The following RASGRP1 variants were observed in gnomAD, a reference collection of about 807,000 sequenced individuals.
RASGRP1 encodes RAS guanyl releasing protein 1.
RASGRP1 carries 37 observed loss-of-function variants against 95.1 expected under a neutral mutation model. That is an observed-to-expected ratio of 0.39 (90% CI 0.30 to 0.51). The LOEUF (loss-of-function observed/expected upper bound fraction) is 0.51, where lower values mean the gene tolerates loss of function less well. RASGRP1 is among the 20% of genes least tolerant of loss of function. RASGRP1 has a pLI of 0.80. For missense variants in RASGRP1, 711 were observed against 965.4 expected (o/e 0.74, Z 3.49); for synonymous variants, 325 against 353.4 (o/e 0.92, Z 0.90).
intron 2 of RASGRP1, among the ~76,000 whole-genome samples, chr15:38,548,975 G>T (rs1893217465): frequency 6.6e-6 from 1 of 152,290 alleles, no homozygotes; most frequent in Non-Finnish European, 1.5e-5. Context: ...TTTTCCTTTA[G>T]GGATTAAAGC....
At chr15:38,539,995 C>T (rs1387045445) in intron 2 of RASGRP1, among the ~76,000 whole-genome samples, 2 of 152,198 alleles carry the variant, frequency 1.3e-5, no homozygotes, top group African/African-American at 4.8e-5. Context: ...TGGCTCACTG[C>T]ACACTTGACT....
At chr15:38,506,071 C>G (rs1891241351) in intron 9 of RASGRP1, among the ~76,000 whole-genome samples, 151 bp from the exon 10 acceptor site, 1 of 152,154 alleles carries the variant, frequency 6.6e-6, no homozygotes, top group Non-Finnish European at 1.5e-5. Flanking sequence ...GGTATAACAC[C>G]TACTATTGCA....
intron 3 of RASGRP1, among the ~76,000 whole-genome samples, chr15:38,523,400 CAG>C (rs1566924503): frequency 6.6e-6 from 1 of 151,912 alleles, no homozygotes; most frequent in Non-Finnish European, 1.5e-5. Flanking sequence ...ATTTTTAAAA[CAG>C]AAAGAAGCTT....
chr15:38,523,365 T>C (rs1324324734), intron 3 of RASGRP1, among the ~76,000 whole-genome samples: 1 of 152,154 alleles, frequency 6.6e-6, no homozygotes, highest in Non-Finnish European at 1.5e-5. Flanking sequence ...GACAACAAAG[T>C]TTAAAAAGTT....
At chr15:38,541,018 G>T (rs1382850900) in intron 2 of RASGRP1, among the ~76,000 whole-genome samples, 1 of 152,198 alleles carries the variant, frequency 6.6e-6, no homozygotes, top group Non-Finnish European at 1.5e-5. Flanking sequence ...CTGGGAGACT[G>T]CTCTGAGCAG....
chr15:38,539,083 A>G (rs917465915), intron 2 of RASGRP1, among the ~76,000 whole-genome samples: 3 of 152,178 alleles, frequency 2.0e-5, no homozygotes, highest in African/African-American at 7.2e-5. Context: ...ACAGAGAGTA[A>G]GGTGGTATGA....
At chr15:38,537,892 C>T (rs979052959) in intron 2 of RASGRP1, among the ~76,000 whole-genome samples, 6 of 152,184 alleles carry the variant, frequency 3.9e-5, no homozygotes, top group African/African-American at 1.4e-4. Context: ...GTGAGAACTG[C>T]ACCGGTGAGT....
intron 12 of RASGRP1, among the ~76,000 whole-genome samples, chr15:38,501,971 C>T (rs1413939153): frequency 6.6e-6 from 1 of 151,954 alleles, no homozygotes; most frequent in Non-Finnish European, 1.5e-5. Context: ...TCTCCTGCCT[C>T]AGCCTCCCGA....
At chr15:38,499,617 T>C (rs1890933578) in intron 14 of RASGRP1, among the ~76,000 whole-genome samples, 1 of 152,218 alleles carries the variant, frequency 6.6e-6, no homozygotes, top group Non-Finnish European at 1.5e-5. Context: ...GGGATGAGAC[T>C]CTGAACTATG....
At chr15:38,500,646 C>G (rs927321669) in intron 13 of RASGRP1, among the ~76,000 whole-genome samples, 10 of 152,018 alleles carry the variant, frequency 6.6e-5, no homozygotes, top group Non-Finnish European at 2.9e-5. Flanking sequence ...ACACCTGGCT[C>G]TCACTAGCAG....
rs756879742 is a variant in RASGRP1 at position 38,498,750 on chromosome 15, T to C, written c.1873+44A>G. On this transcript the variant is annotated intron_variant, in intron 15 of 16. Transcript: ENST00000310803. ...CTTTCCGTCTCTAAAACTTTTCCCT[T>C]CCTACTTCACTTTCCAAGATGAATG... The C allele has an allele frequency of 4.4e-6, 7 of 1,593,788 alleles. No homozygotes were observed. In the South Asian group the frequency reaches 4.5e-5, roughly 10 times the overall value.
intron 2 of RASGRP1, among the ~76,000 whole-genome samples, chr15:38,527,552 A>C (rs909200080): frequency 6.6e-6 from 1 of 152,210 alleles, no homozygotes; most frequent in East Asian, 1.9e-4. Context: ...CCTTCATTAC[A>C]ATGTCTTCAT....
intron 2 of RASGRP1, among the ~76,000 whole-genome samples, chr15:38,542,383 A>G (rs1220037338): frequency 6.6e-6 from 1 of 152,094 alleles, no homozygotes; most frequent in East Asian, 1.9e-4. Flanking sequence ...AACTCAAAAT[A>G]GATTCCAAGG....
In RASGRP1 at chr15:38,516,115, G is replaced by A. The variant is rs578129061; in HGVS notation, c.675+82C>T. Reference sequence around the variant, plus strand: ...GACTTGAGGGGGCCTCTAAGGTTATGAAGCGGATGGGCTGTTGAATTATCA... The same window carrying A: ...GACTTGAGGGGGCCTCTAAGGTTATAAAGCGGATGGGCTGTTGAATTATCA... On this transcript the variant is annotated intron_variant, in intron 6 of 16. Coordinates refer to ENST00000310803, the MANE Select transcript of RASGRP1 (RefSeq NM_005739.4). 7.5e-6 allele frequency: 11 copies of A among 1,466,808 alleles called. No individual in the cohort carries two copies. The South Asian group carries it at 1.2e-4, about 16-fold the overall frequency. 90.9% of individuals were successfully genotyped at this position (1,466,808 alleles called of 1,614,324 possible). A position where few individuals can be genotyped will look rare whatever the true frequency, so the allele number is the denominator to read the frequency against.
intron 10 of RASGRP1, chr15:38,504,368 A>G (rs116518769): frequency 1.4e-4 from 22 of 152,346 alleles, no homozygotes; most frequent in African/African-American, 5.3e-4. Context: ...CACACATTGT[A>G]TAGCTTATAG....
intron 15 of RASGRP1, among the ~76,000 whole-genome samples, chr15:38,495,169 C>T (rs1890749663): frequency 6.6e-6 from 1 of 152,190 alleles, no homozygotes; most frequent in Non-Finnish European, 1.5e-5. Flanking sequence ...ATTCATGTCT[C>T]AGTCCTGATA....
chr15:38,546,434 G>A (rs1893107385), intron 2 of RASGRP1, among the ~76,000 whole-genome samples: 1 of 152,070 alleles, frequency 6.6e-6, no homozygotes, highest in Admixed American at 6.6e-5. Flanking sequence ...CACCATGTTG[G>A]CCAGGATGGT....
chr15:38,500,198 A>G lies in RASGRP1; in HGVS notation c.1684-59T>C. ...ATTCATCCATCTGGTGTGAGGCTAC[A>G]AGGTGACATTCCTTTATTTTCCTTC... On this transcript the variant is annotated intron_variant, in intron 13 of 16. Coordinates refer to ENST00000310803, the MANE Select transcript of RASGRP1 (RefSeq NM_005739.4). The G allele has an allele frequency of 1.3e-6, 2 of 1,557,372 alleles. 1 individual carries two copies. The highest frequency in any genetic ancestry group is 4.5e-5 in the East Asian group (2 of 44,494).
Position 38,564,687 on chromosome 15 carries a change from C to T in RASGRP1, c.-59G>A. On this transcript the variant is annotated 5_prime_UTR_variant, in exon 1 of 17. Coordinates refer to ENST00000310803, the MANE Select transcript of RASGRP1 (RefSeq NM_005739.4). Reference sequence around the variant, plus strand: ...TAGCGCGGCCGGGCGCGGCGCATCGCCCCCGCCACCACCGCCGCCGCCTGC... The same window carrying T: ...TAGCGCGGCCGGGCGCGGCGCATCGTCCCCGCCACCACCGCCGCCGCCTGC... 1.3e-5 allele frequency: 16 copies of T among 1,198,050 alleles called. No homozygotes were observed. Among genetic ancestry groups the T allele is most frequent in the Non-Finnish European group, 1.7e-5 (16 of 964,842 alleles). 74.2% of individuals were successfully genotyped at this position (1,198,050 alleles called of 1,614,324 possible). A position where few individuals can be genotyped will look rare whatever the true frequency, so the allele number is the denominator to read the frequency against.
Sources: gnomAD v4.1 joint callset for allele counts (sites outside exome capture counted in the v4.1 genomes callset) on GRCh38, gnomAD v4.1.1 for gene constraint, MANE v1.5 for transcripts, NCBI Gene and HGNC (gene_info 2026-07-23, HGNC 2026-07-21) for gene names.